Variants in CNTN4 observed in about 807,000 individuals in gnomAD.
The protein encoded by CNTN4 is contactin-4.
CNTN4 carries 77 observed loss-of-function variants against 122.5 expected under a neutral mutation model. The observed-to-expected ratio is 0.63, with a 90% CI of 0.52 to 0.76. The LOEUF is 0.76. CNTN4 is among the 30% of genes least tolerant of loss of function. The pLI, the probability that CNTN4 is intolerant of heterozygous loss-of-function variation, is 0.00. For missense variants in CNTN4, 1,256 were observed against 1,259.1 expected (o/e 1.00, Z 0.04); for synonymous variants, 512 against 447.0 (o/e 1.15, Z -1.83).
intron 15 of CNTN4, 138 bp from the exon 16 acceptor site, chr3:3,030,717 A>G: frequency 9.6e-7 from 1 of 1,037,580 alleles, no homozygotes; most frequent in Non-Finnish European, 1.5e-6. Flanking sequence ...ACATATTTTT[A>G]ACAGGCCATG....
chr3:2,384,761 CGTGTGTGTGTGT>C (rs67019083), intron 3 of CNTN4, among the ~76,000 whole-genome samples: 10 of 147,808 alleles, frequency 6.8e-5, no homozygotes, highest in Admixed American at 2.7e-4. Context: ...TCAATGTGTG[CGTGTGTGTGTGT>C]GTGTGTGTGT....
intron 12 of CNTN4, among the ~76,000 whole-genome samples, chr3:2,925,151 T>A (rs1009351636): frequency 8.5e-5 from 13 of 152,162 alleles, no homozygotes; most frequent in Non-Finnish European, 1.8e-4. Flanking sequence ...TTTTACCAAA[T>A]GCAAATTATA....
intron 4 of CNTN4, among the ~76,000 whole-genome samples, chr3:2,701,005 C>T: frequency 6.6e-6 from 1 of 152,124 alleles, no homozygotes; most frequent in East Asian, 1.9e-4. Context: ...TGAAATTGCT[C>T]ATAGATACAA....
intron 4 of CNTN4, among the ~76,000 whole-genome samples, chr3:2,720,011 G>A (rs550738797): frequency 3.0e-4 from 46 of 152,150 alleles, no homozygotes; most frequent in African/African-American, 1.1e-3. Flanking sequence ...AAAAGCTGGG[G>A]AACAATGACC....
intron 6 of CNTN4, among the ~76,000 whole-genome samples, chr3:2,771,020 C>A (rs2091073961): frequency 6.6e-6 from 1 of 152,178 alleles, no homozygotes; most frequent in African/African-American, 2.4e-5. Flanking sequence ...TGTCTAGCAT[C>A]CCTGAGTGGT....
chr3:2,510,094 C>A (rs1324517865), intron 3 of CNTN4, among the ~76,000 whole-genome samples: 1 of 152,132 alleles, frequency 6.6e-6, no homozygotes, highest in Non-Finnish European at 1.5e-5. Context: ...TCTGAAACAG[C>A]TGGTTAGTAG....
intron 2 of CNTN4, among the ~76,000 whole-genome samples, chr3:2,313,984 A>G (rs1143979): frequency 0.049 from 7,390 of 152,138 alleles, 192 homozygotes; most frequent in Non-Finnish European, 0.056. Context: ...ATTTATACCT[A>G]TGAATCTGAA....
At chr3:2,646,890 A>G (rs1337231650) in intron 4 of CNTN4, among the ~76,000 whole-genome samples, 2 of 152,156 alleles carry the variant, frequency 1.3e-5, no homozygotes, top group Non-Finnish European at 2.9e-5. Flanking sequence ...ATTTAACTTA[A>G]TTACCTCTTA....
intron 3 of CNTN4, among the ~76,000 whole-genome samples, chr3:2,529,998 T>C (rs1371330638): frequency 6.6e-6 from 1 of 152,164 alleles, no homozygotes; most frequent in Non-Finnish European, 1.5e-5. Flanking sequence ...GAAAATGCTG[T>C]GCTTTTTAGA....
intron 4 of CNTN4, among the ~76,000 whole-genome samples, chr3:2,651,551 A>G (rs2083358914): frequency 2.0e-5 from 3 of 152,058 alleles, no homozygotes; most frequent in East Asian, 1.9e-4. Context: ...ATTGAGTAGC[A>G]TTATCAAAAT....
At chr3:2,398,184 A>G (rs567289020) in intron 3 of CNTN4, among the ~76,000 whole-genome samples, 4 of 152,284 alleles carry the variant, frequency 2.6e-5, no homozygotes, top group African/African-American at 9.6e-5. Flanking sequence ...TGCATCAAAA[A>G]TTATGAAAAC....
At chr3:2,381,603 A>C (rs995660716) in intron 3 of CNTN4, among the ~76,000 whole-genome samples, 2 of 152,210 alleles carry the variant, frequency 1.3e-5, no homozygotes, top group African/African-American at 4.8e-5. Context: ...AATGCATGGT[A>C]GTTTTTCCCT....
chr3:2,911,783 A>C (rs560933237), intron 12 of CNTN4, among the ~76,000 whole-genome samples: 1 of 152,318 alleles, frequency 6.6e-6, no homozygotes, highest in South Asian at 2.1e-4. Context: ...TAGTAAGTGA[A>C]TTCAGAATAT....
chr3:2,337,793 T>G (rs978650054), intron 2 of CNTN4, among the ~76,000 whole-genome samples: 5 of 150,886 alleles, frequency 3.3e-5, no homozygotes, highest in African/African-American at 1.2e-4. Context: ...TTTAGTAATA[T>G]TTGAAAAAAC....
intron 4 of CNTN4, among the ~76,000 whole-genome samples, chr3:2,681,090 G>A (rs1225162819): frequency 6.6e-6 from 1 of 152,180 alleles, no homozygotes; most frequent in Admixed American, 6.5e-5. Context: ...TGGGGGTTGT[G>A]CCTTGTATTA....
chr3:2,503,802 G>A (rs1235786647), intron 3 of CNTN4, among the ~76,000 whole-genome samples: 1 of 152,026 alleles, frequency 6.6e-6, no homozygotes, highest in East Asian at 1.9e-4. Flanking sequence ...ACATAATCCT[G>A]GGTGGTGAAT....
At chr3:2,349,211 G>C (rs1166662120) in intron 3 of CNTN4, among the ~76,000 whole-genome samples, 1 of 151,844 alleles carries the variant, frequency 6.6e-6, no homozygotes, top group African/African-American at 2.4e-5. Flanking sequence ...AGGGTCTCAA[G>C]AGTTAATATT....
chr3:2,529,245 T>C (rs2077509900), intron 3 of CNTN4, among the ~76,000 whole-genome samples: 1 of 152,230 alleles, frequency 6.6e-6, no homozygotes, highest in Non-Finnish European at 1.5e-5. Context: ...TAACATAAAG[T>C]CCTCTGGAGT....
At chr3:3,035,821 C>T (rs2125711102) in intron 17 of CNTN4, among the ~76,000 whole-genome samples, 1 of 152,138 alleles carries the variant, frequency 6.6e-6, no homozygotes, top group South Asian at 2.1e-4. Flanking sequence ...TCCCAAATTG[C>T]TGGGATTTCA....
Sources: gnomAD v4.1 joint callset for allele counts (sites outside exome capture counted in the v4.1 genomes callset) on GRCh38, gnomAD v4.1.1 for gene constraint, MANE v1.5 for transcripts, NCBI Gene and HGNC (gene_info 2026-07-23, HGNC 2026-07-21) for gene names.